Variants in HNF1B observed in about 807,000 individuals in gnomAD.
HNF1B encodes the protein HNF1 homeobox B, also known as hepatocyte nuclear factor 1-beta.
A neutral mutation model predicts 61.7 loss-of-function variants in HNF1B; 8 were observed. That is an observed-to-expected ratio of 0.13 (90% CI 0.08 to 0.23). The LOEUF is 0.23. HNF1B is among the 10% of genes least tolerant of loss of function. HNF1B has a pLI of 1.00. For missense variants in HNF1B, 562 were observed against 714.5 expected, an observed-to-expected ratio of 0.79 and a Z score of 2.43; for synonymous variants, 314 against 287.7, an observed-to-expected ratio of 1.09 and a Z score of -0.93.
intron 4 of HNF1B, among the ~76,000 whole-genome samples, chr17:37,719,136 A>G (rs982788389): frequency 6.6e-6 from 1 of 151,282 alleles, no homozygotes; most frequent in South Asian, 2.2e-4. Context: ...TATTATTGTT[A>G]TTATTATTTT....
chr17:37,718,122 A>T (rs977267327), intron 4 of HNF1B, among the ~76,000 whole-genome samples: 2 of 149,634 alleles, frequency 1.3e-5, no homozygotes, highest in Non-Finnish European at 3.0e-5. Flanking sequence ...TTTCTTATTT[A>T]AAAAAAAAAT....
At chr17:37,733,422 G>T in intron 3 of HNF1B, 135 bp downstream of exon 3, 2 of 1,008,752 alleles carry the variant, frequency 2.0e-6, no homozygotes, top group Non-Finnish European at 3.2e-6. Flanking sequence ...GGGGTTCTGT[G>T]GAACATACTT....
intron 4 of HNF1B, among the ~76,000 whole-genome samples, chr17:37,717,418 T>TG (rs1253117906): frequency 6.6e-6 from 1 of 152,206 alleles, no homozygotes. Context: ...CCAGCCCTGT[T>TG]GGGTCTAGAA....
intron 4 of HNF1B, among the ~76,000 whole-genome samples, chr17:37,719,957 G>A (rs2033253998): frequency 6.6e-6 from 1 of 152,150 alleles, no homozygotes; most frequent in African/African-American, 2.4e-5. Context: ...CTGTCACAGA[G>A]GGCATCTCCA....
intron 1 of HNF1B, among the ~76,000 whole-genome samples, chr17:37,743,349 G>C (rs534107527): frequency 1.3e-5 from 2 of 152,372 alleles, no homozygotes; most frequent in Admixed American, 1.3e-4. Context: ...GTTCTCTCCC[G>C]GTAGGGGAGA....
chr17:37,711,920 A>C (rs1025532941), intron 4 of HNF1B, among the ~76,000 whole-genome samples: 6 of 152,080 alleles, frequency 3.9e-5, no homozygotes, highest in African/African-American at 1.4e-4. Context: ...GGAGACCACA[A>C]AGTTCCCCCA....
chr17:37,697,127 T>C (rs533120123), intron 8 of HNF1B, among the ~76,000 whole-genome samples: 24 of 152,326 alleles, frequency 1.6e-4, no homozygotes, highest in East Asian at 1.4e-3. Flanking sequence ...CTGTGTGACC[T>C]TGGGCAGGTC....
At chr17:37,739,740 A>G (rs887741424) in intron 1 of HNF1B, 101 bp from the exon 2 acceptor site, 18 of 1,135,686 alleles carry the variant, frequency 1.6e-5, no homozygotes, top group Non-Finnish European at 2.3e-5. Flanking sequence ...AAAATTCTGA[A>G]TTTTCCCCCC....
intron 8 of HNF1B, among the ~76,000 whole-genome samples, chr17:37,690,995 T>C (rs564189243): frequency 6.6e-6 from 1 of 152,198 alleles, no homozygotes; most frequent in East Asian, 1.9e-4. Flanking sequence ...CCCGGGGCCC[T>C]CCAACACATA....
chr17:37,744,010 A>G (rs2034084437), intron 1 of HNF1B, among the ~76,000 whole-genome samples: 1 of 152,244 alleles, frequency 6.6e-6, no homozygotes, highest in South Asian at 2.1e-4. Flanking sequence ...AGTGCCCACC[A>G]GGGAACTCGC....
At chr17:37,693,617 A>T (rs1716170561) in intron 8 of HNF1B, among the ~76,000 whole-genome samples, 1 of 152,236 alleles carries the variant, frequency 6.6e-6, no homozygotes, top group Non-Finnish European at 1.5e-5. Flanking sequence ...AACTTTGTGT[A>T]ATCCAGCAGT....
chr17:37,695,178 A>G, intron 8 of HNF1B, among the ~76,000 whole-genome samples: 1 of 152,248 alleles, frequency 6.6e-6, no homozygotes, highest in African/African-American at 2.4e-5. Flanking sequence ...GCCTTGGGAC[A>G]CTGCTCCCTG....
intron 1 of HNF1B, 107 bp from the exon 2 acceptor site, chr17:37,739,746 C>T: frequency 9.2e-7 from 1 of 1,084,440 alleles, no homozygotes; most frequent in Non-Finnish European, 1.4e-6. Flanking sequence ...CTGAATTTTC[C>T]CCCCATCTAA....
rs1407831418 is a variant in HNF1B, at chr17:37,687,258, C to T, written c.*114G>A. 1 of 1,568,908 alleles carries T rather than the reference C, an allele frequency of 6.4e-7. No individual in the cohort carries two copies. The highest frequency in any genetic ancestry group is 1.1e-5 in the South Asian group (1 of 89,814). On this transcript the variant is annotated 3_prime_UTR_variant, in exon 9 of 9. Coordinates refer to ENST00000617811, the MANE Select transcript of HNF1B (RefSeq NM_000458.4). ...AGGACGTCCGTCAGGTAAGCAGGGACCTCTCGCAGGTGCTGGTCAGGTCAC... is the reference window on the plus strand; with the variant it reads ...AGGACGTCCGTCAGGTAAGCAGGGATCTCTCGCAGGTGCTGGTCAGGTCAC...
intron 4 of HNF1B, chr17:37,721,072 C>A: frequency 2.4e-6 from 1 of 419,686 alleles, no homozygotes; most frequent in Non-Finnish European, 3.2e-6. Flanking sequence ...CAACCCAGTC[C>A]AATGGGTGCC....
chr17:37,710,805 G>A (rs903738484), intron 4 of HNF1B, 142 bp from the exon 5 acceptor site: 74 of 809,558 alleles, frequency 9.1e-5, no homozygotes, highest in South Asian at 6.7e-4. Flanking sequence ...AAGAAATATC[G>A]GCTGCTTTTC....
chr17:37,722,669 A>G (rs2033354737), intron 4 of HNF1B, among the ~76,000 whole-genome samples: 1 of 152,172 alleles, frequency 6.6e-6, no homozygotes, highest in Admixed American at 6.5e-5. Flanking sequence ...TCCCAAAAGC[A>G]TTGGAAGCAT....
chr17:37,724,471 C>T (rs1342098894), intron 4 of HNF1B, among the ~76,000 whole-genome samples: 2 of 152,196 alleles, frequency 1.3e-5, no homozygotes, highest in Non-Finnish European at 2.9e-5. Context: ...TATTGTCCTA[C>T]AGCGGGGTCA....
intron 8 of HNF1B, among the ~76,000 whole-genome samples, chr17:37,695,428 C>A (rs914795675): frequency 6.6e-6 from 1 of 152,264 alleles, no homozygotes; most frequent in Non-Finnish European, 1.5e-5. Flanking sequence ...CCACAGAGAA[C>A]CTCCACTAGG....
Sources: gnomAD v4.1 joint callset for allele counts (sites outside exome capture counted in the v4.1 genomes callset) on GRCh38, gnomAD v4.1.1 for gene constraint, MANE v1.5 for transcripts, NCBI Gene and HGNC (gene_info 2026-07-23, HGNC 2026-07-21) for gene names.